Variants in MAGI1 observed in about 807,000 individuals in gnomAD.
The protein encoded by MAGI1 is membrane-associated guanylate kinase, WW and PDZ domain-containing protein 1.
MAGI1 carries 58 observed loss-of-function variants against 139.9 expected under a neutral mutation model. That is an observed-to-expected ratio of 0.41 (90% CI 0.34 to 0.52). The LOEUF is 0.52. Among genes scored for constraint, MAGI1 ranks in the 20% least tolerant of loss-of-function variants. The pLI is 0.12. For synonymous variants in MAGI1, 812 were observed against 737.9 expected (o/e 1.10, Z -1.63); for missense variants, 1,874 against 1,901.6 (o/e 0.99, Z 0.27).
At chr3:65,682,164 G>A (rs1303600705) in intron 1 of MAGI1, among the ~76,000 whole-genome samples, 1 of 152,166 alleles carries the variant, frequency 6.6e-6, no homozygotes, top group Non-Finnish European at 1.5e-5. Flanking sequence ...GAGAAACCTA[G>A]AAAATGAATC....
At chr3:65,705,462 GT>G (rs1270983997) in intron 1 of MAGI1, among the ~76,000 whole-genome samples, 2 of 152,144 alleles carry the variant, frequency 1.3e-5, no homozygotes, top group Non-Finnish European at 2.9e-5. Flanking sequence ...CTTTAAAATG[GT>G]TAAGTTTGTG....
chr3:65,752,323 T>C (rs2036221740), intron 1 of MAGI1, among the ~76,000 whole-genome samples: 1 of 152,180 alleles, frequency 6.6e-6, no homozygotes, highest in East Asian at 1.9e-4. Flanking sequence ...GGTAAGTAAC[T>C]TAGCCTCTCT....
intron 1 of MAGI1, among the ~76,000 whole-genome samples, chr3:65,807,164 C>T (rs1464405721): frequency 6.6e-6 from 1 of 152,220 alleles, no homozygotes; most frequent in Non-Finnish European, 1.5e-5. Flanking sequence ...CTGTCCTAAT[C>T]TGTTCCTGTT....
intron 3 of MAGI1, among the ~76,000 whole-genome samples, chr3:65,487,089 A>T (rs1234381628): frequency 6.6e-6 from 1 of 152,204 alleles, no homozygotes; most frequent in Non-Finnish European, 1.5e-5. Context: ...TGTGGTTGCC[A>T]GATGAAATGC....
chr3:65,395,547 C>G (rs1228594270), intron 13 of MAGI1, among the ~76,000 whole-genome samples: 2 of 146,192 alleles, frequency 1.4e-5, no homozygotes, highest in Non-Finnish European at 3.0e-5. Context: ...GAGGCTGATG[C>G]ACGAGAATCG....
chr3:65,535,106 T>G (rs554723204), intron 2 of MAGI1, among the ~76,000 whole-genome samples: 63 of 152,104 alleles, frequency 4.1e-4, no homozygotes, highest in African/African-American at 8.4e-4. Context: ...CTTGGTGGTG[T>G]TGTTCTTGTT....
chr3:65,643,227 C>G (rs1441300591), intron 1 of MAGI1, among the ~76,000 whole-genome samples: 3 of 152,124 alleles, frequency 2.0e-5, no homozygotes, highest in African/African-American at 7.2e-5. Flanking sequence ...CTTAGAAGAG[C>G]TGGAAATAAA....
chr3:65,936,459 G>A (rs532063609), intron 1 of MAGI1, among the ~76,000 whole-genome samples: 5 of 152,070 alleles, frequency 3.3e-5, no homozygotes, highest in East Asian at 1.9e-4. Context: ...CCAACATGGC[G>A]AAACCCCGTC....
intron 1 of MAGI1, among the ~76,000 whole-genome samples, chr3:65,631,058 G>A (rs1324097690): frequency 6.6e-6 from 1 of 152,238 alleles, no homozygotes; most frequent in South Asian, 2.1e-4. Context: ...GTCATGTGTA[G>A]AGGTGGAAGT....
chr3:65,621,829 A>G (rs2107061379), intron 2 of MAGI1, 143 bp downstream of exon 2: 1 of 610,388 alleles, frequency 1.6e-6, no homozygotes, highest in East Asian at 2.8e-5. Flanking sequence ...TTGAATTATG[A>G]TTTGCTTGAG....
chr3:65,386,444 T>C (rs1416193328), intron 14 of MAGI1, among the ~76,000 whole-genome samples: 1 of 152,218 alleles, frequency 6.6e-6, no homozygotes, highest in Non-Finnish European at 1.5e-5. Flanking sequence ...TTAATTTTGG[T>C]ATTTTAAGAA....
At chr3:65,453,019 T>A (rs1949134492) in intron 6 of MAGI1, 1 of 471,894 alleles carries the variant, frequency 2.1e-6, no homozygotes, top group Non-Finnish European at 3.8e-6. Flanking sequence ...AGTTTCTGAC[T>A]GTTCTGCTTC....
At chr3:65,844,794 T>G (rs976329234) in intron 1 of MAGI1, among the ~76,000 whole-genome samples, 2 of 152,056 alleles carry the variant, frequency 1.3e-5, no homozygotes, top group African/African-American at 4.8e-5. Context: ...AGAATTAAAT[T>G]ACGAAAAATG....
chr3:65,821,715 T>A (rs1390875839), intron 1 of MAGI1, among the ~76,000 whole-genome samples: 1 of 152,142 alleles, frequency 6.6e-6, no homozygotes, highest in African/African-American at 2.4e-5. Flanking sequence ...AACATCATCA[T>A]CACAATACAG....
chr3:65,838,457 A>G (rs1485071504), intron 1 of MAGI1, among the ~76,000 whole-genome samples: 2 of 152,248 alleles, frequency 1.3e-5, no homozygotes, highest in African/African-American at 4.8e-5. Context: ...TGATCATTTC[A>G]AGAATATTAC....
At chr3:65,702,473 A>C (rs916571240) in intron 1 of MAGI1, among the ~76,000 whole-genome samples, 1 of 152,052 alleles carries the variant, frequency 6.6e-6, no homozygotes, top group Non-Finnish European at 1.5e-5. Context: ...TCAATTTTAC[A>C]ATATATATGC....
chr3:65,722,590 A>G (rs1264079931), intron 1 of MAGI1, among the ~76,000 whole-genome samples: 1 of 152,188 alleles, frequency 6.6e-6, no homozygotes, highest in Non-Finnish European at 1.5e-5. Context: ...CCATGATCAC[A>G]CCGCTGCGCT....
At chr3:66,037,435 C>T (rs929294170) in intron 1 of MAGI1, among the ~76,000 whole-genome samples, 1 of 152,114 alleles carries the variant, frequency 6.6e-6, no homozygotes, top group Non-Finnish European at 1.5e-5. Flanking sequence ...CATGCGTCAT[C>T]CGGCTGAGGG....
Position 65,835,562 on chromosome 3 carries a change from G to A in MAGI1, c.313+202434C>T, listed in dbSNP as rs188215398. On this transcript the variant is annotated intron_variant, in intron 1 of 22. Coordinates refer to ENST00000402939, the MANE Select transcript of MAGI1 (RefSeq NM_001033057.2). ...CCACTTTAACAAATAGAACTCATGAGTATGATAAAGGCCATTCGTGATAAG... is the reference window on the plus strand; with the variant it reads ...CCACTTTAACAAATAGAACTCATGAATATGATAAAGGCCATTCGTGATAAG... 4.0e-5 allele frequency among the ~76,000 whole-genome samples: 6 copies of A among 149,598 alleles called. No individual in the cohort carries two copies. The South Asian group carries it at 7.0e-4, about 17-fold the overall frequency.
Sources: allele counts gnomAD v4.1 joint callset (sites outside exome capture counted in the v4.1 genomes callset), GRCh38; gene constraint gnomAD v4.1.1; transcripts MANE v1.5; gene names NCBI Gene and HGNC (gene_info 2026-07-23, HGNC 2026-07-21).